The following GULP1 variants were observed in gnomAD, a reference collection of about 807,000 sequenced individuals.
GULP1 encodes PTB domain-containing engulfment adapter protein 1.
In GULP1, 19 loss-of-function variants were observed where a neutral mutation model predicts 40.9. The observed-to-expected ratio is 0.46, with a 90% CI of 0.32 to 0.68. The LOEUF is 0.68. Ranked by LOEUF, GULP1 falls within the 30% of genes least tolerant of loss-of-function variation. The pLI is 0.03. For missense variants in GULP1, 312 were observed against 362.2 expected (o/e 0.86, Z 1.12); for synonymous variants, 119 against 117.6 (o/e 1.01, Z -0.08).
chr2:188,324,106 A>G (rs573465641), intron 1 of GULP1, among the ~76,000 whole-genome samples: 30 of 152,158 alleles, frequency 2.0e-4, no homozygotes, highest in African/African-American at 7.0e-4. Flanking sequence ...AACTTAGTCC[A>G]AGGGCCTAAT....
chr2:188,447,622 T>C (rs2058502945), intron 2 of GULP1, among the ~76,000 whole-genome samples: 1 of 152,200 alleles, frequency 6.6e-6, no homozygotes, highest in Non-Finnish European at 1.5e-5. Context: ...TCTTGCTGCA[T>C]TAATCCAGAT....
In GULP1 at chr2:188,400,268, A is replaced by G. The variant is rs1346824331; in HGVS notation, c.-45+16379A>G. 5.3e-5 allele frequency among the ~76,000 whole-genome samples: 8 copies of G among 152,136 alleles called. No individual in the cohort carries two copies. The South Asian group carries it at 1.2e-3, about 24-fold the overall frequency. Reference sequence around the variant, plus strand: ...TCTATATTCTTTCCTCTTCTTATAAACATATCAGTCATTGTATTTAGGGCC... The same window carrying G: ...TCTATATTCTTTCCTCTTCTTATAAGCATATCAGTCATTGTATTTAGGGCC... On this transcript the variant is annotated intron_variant, in intron 2 of 11. Transcript: ENST00000409830.
chr2:188,549,981 A>G (rs1331821398), intron 7 of GULP1, among the ~76,000 whole-genome samples: 1 of 151,750 alleles, frequency 6.6e-6, no homozygotes, highest in African/African-American at 2.4e-5. Context: ...TAAAACAGCA[A>G]GATGAAGGAC....
At chr2:188,458,431 C>T (rs192199948) in intron 2 of GULP1, among the ~76,000 whole-genome samples, 2 of 152,218 alleles carry the variant, frequency 1.3e-5, no homozygotes, top group East Asian at 3.9e-4. Flanking sequence ...AGTTTCTCTA[C>T]TTCCTTTCTT....
At chr2:188,561,923 A>C (rs1696401199) in intron 7 of GULP1, among the ~76,000 whole-genome samples, 1 of 152,094 alleles carries the variant, frequency 6.6e-6, no homozygotes, top group Admixed American at 6.5e-5. Context: ...ACTTGCACCC[A>C]GTCACATCCC....
intron 1 of GULP1, among the ~76,000 whole-genome samples, chr2:188,326,740 C>T (rs969788640): frequency 6.6e-6 from 1 of 152,068 alleles, no homozygotes; most frequent in Admixed American, 6.6e-5. Flanking sequence ...TTCTGGAATA[C>T]GTTTCCATTA....
intron 10 of GULP1, among the ~76,000 whole-genome samples, chr2:188,585,245 C>T (rs1205766949): frequency 6.6e-6 from 1 of 152,210 alleles, no homozygotes; most frequent in African/African-American, 2.4e-5. Context: ...GCCCCCATAG[C>T]TGTTTTCACA....
chr2:188,361,584 A>G (rs564648499), intron 1 of GULP1, among the ~76,000 whole-genome samples: 89 of 152,162 alleles, frequency 5.8e-4, no homozygotes, highest in African/African-American at 2.1e-3. Flanking sequence ...AATATGGAGG[A>G]CACCCTTGGA....
intron 7 of GULP1, among the ~76,000 whole-genome samples, chr2:188,564,656 A>G (rs1446734493): frequency 1.3e-5 from 2 of 151,924 alleles, no homozygotes; most frequent in African/African-American, 2.4e-5. Flanking sequence ...TGATCGATCC[A>G]TGGATTCAAT....
intron 9 of GULP1, among the ~76,000 whole-genome samples, chr2:188,574,548 G>A (rs763182636): frequency 4.6e-5 from 7 of 151,988 alleles, no homozygotes; most frequent in Admixed American, 2.0e-4. Flanking sequence ...TGCTTGAGCC[G>A]GGGAGGTGGA....
intron 2 of GULP1, among the ~76,000 whole-genome samples, chr2:188,444,177 T>C (rs914936325): frequency 6.6e-6 from 1 of 152,172 alleles, no homozygotes; most frequent in Non-Finnish European, 1.5e-5. Context: ...TACAAAATTT[T>C]CTTTAAATAG....
At chr2:188,568,573 T>C (rs1356243764) in intron 7 of GULP1, among the ~76,000 whole-genome samples, 1 of 152,206 alleles carries the variant, frequency 6.6e-6, no homozygotes, top group Non-Finnish European at 1.5e-5. Context: ...TTTACCAAAA[T>C]ACAAACTGTT....
intron 5 of GULP1, among the ~76,000 whole-genome samples, chr2:188,525,192 GTTCT>G (rs1252082618): frequency 6.6e-6 from 1 of 151,756 alleles, no homozygotes; most frequent in Non-Finnish European, 1.5e-5. Context: ...ATCAAAACAT[GTTCT>G]TTATTTCCTA....
At chr2:188,444,485 A>G in intron 2 of GULP1, among the ~76,000 whole-genome samples, 1 of 152,198 alleles carries the variant, frequency 6.6e-6, no homozygotes, top group East Asian at 1.9e-4. Context: ...TCCTTGATCA[A>G]TATCTAATAT....
rs548058412 is a variant in GULP1, at chr2:188,558,935, A to G, written c.400-10304A>G. Among the ~76,000 whole-genome samples the G allele has an allele frequency of 5.6e-3, 845 of 151,824 alleles. 8 individuals are homozygous for G. The highest frequency in any genetic ancestry group is 0.017 in the South Asian group (84 of 4,816). On this transcript the variant is annotated intron_variant, in intron 7 of 11. Transcript: ENST00000409830. Reference sequence around the variant, plus strand: ...AAGTGACTTGGGTGCTGTTAAAGGCATTCAGTTTTATAAGGGAAGCAGAGC... The same window carrying G: ...AAGTGACTTGGGTGCTGTTAAAGGCGTTCAGTTTTATAAGGGAAGCAGAGC...
chr2:188,541,477 T>C (rs1375810298), intron 7 of GULP1, 159 bp downstream of exon 7: 2 of 716,344 alleles, frequency 2.8e-6, no homozygotes, highest in Non-Finnish European at 2.6e-6. Context: ...ATTTATTTTG[T>C]CATGAGAATA....
chr2:188,376,242 G>A (rs1224365653), intron 1 of GULP1, among the ~76,000 whole-genome samples: 1 of 152,156 alleles, frequency 6.6e-6, no homozygotes, highest in African/African-American at 2.4e-5. Context: ...AAACACACTA[G>A]ACAAATACAA....
intron 1 of GULP1, among the ~76,000 whole-genome samples, chr2:188,294,718 T>C (rs528564013): frequency 2.6e-5 from 4 of 152,340 alleles, no homozygotes; most frequent in South Asian, 4.1e-4. Context: ...ATGTTTTCCC[T>C]GACTATGATT....
intron 9 of GULP1, among the ~76,000 whole-genome samples, chr2:188,571,884 G>A (rs1699129057): frequency 6.6e-6 from 1 of 152,202 alleles, no homozygotes; most frequent in Admixed American, 6.5e-5. Flanking sequence ...TCATTTTTGT[G>A]TTGACAAAGG....
Sources: allele counts gnomAD v4.1 joint callset (sites outside exome capture counted in the v4.1 genomes callset), GRCh38; gene constraint gnomAD v4.1.1; transcripts MANE v1.5; gene names NCBI Gene and HGNC (gene_info 2026-07-23, HGNC 2026-07-21).